Variants in HERC3 observed in about 807,000 individuals in gnomAD.
HERC3 encodes the protein probable E3 ubiquitin-protein ligase HERC3.
Under a neutral mutation model 129.9 loss-of-function variants are expected in HERC3, and 58 were observed. That is an observed-to-expected ratio of 0.45 (90% CI 0.36 to 0.56). The LOEUF (loss-of-function observed/expected upper bound fraction) is 0.56, where lower values mean the gene tolerates loss of function less well. HERC3 is among the 20% of genes least tolerant of loss of function. HERC3 has a pLI of 0.00. For missense variants in HERC3, 835 were observed against 1,244.2 expected (o/e 0.67, Z 4.95); for synonymous variants, 430 against 451.0 (o/e 0.95, Z 0.59).
the HERC3 span, among the ~76,000 whole-genome samples, chr4:88,550,359 C>T: frequency 1.9e-3 from 284 of 152,150 alleles, 2 homozygotes; most frequent in African/African-American, 6.3e-3. Context: ...TGTTTGCAGA[C>T]GACATGACTG....
intron 23 of HERC3, chr4:88,697,091 T>C: frequency 1.0e-6 from 1 of 983,760 alleles, no homozygotes; most frequent in Non-Finnish European, 1.5e-6. Context: ...TCAGAATAAA[T>C]TCACATTGTA....
chr4:88,650,037 A>G lies in HERC3; in HGVS notation c.386+38A>G, dbSNP rs371217678. On this transcript the variant is annotated intron_variant, in intron 4 of 25. Transcript: ENST00000402738. ...TCAAATGTCAGTCGTTTTAAATGCT[A>G]TTTCCTGCTGTTGATTTGTTAGACT... The G allele has an allele frequency of 1.6e-4, 247 of 1,587,684 alleles. No individual in the cohort carries two copies. The Middle Eastern group carries it at 2.3e-3, about 15-fold the overall frequency.
At chr4:88,651,320 A>G (rs2149271321) in intron 4 of HERC3, among the ~76,000 whole-genome samples, 1 of 152,358 alleles carries the variant, frequency 6.6e-6, no homozygotes, top group African/African-American at 2.4e-5. Context: ...GTTTTCTATT[A>G]TAAGTTAATT....
intron 2 of HERC3, among the ~76,000 whole-genome samples, chr4:88,600,907 A>G (rs1380400125): frequency 1.3e-5 from 2 of 152,252 alleles, no homozygotes; most frequent in Non-Finnish European, 2.9e-5. Flanking sequence ...ATGAAATACT[A>G]AAAACGAAAA....
chr4:88,676,995 C>T (rs1024864752), intron 18 of HERC3, among the ~76,000 whole-genome samples: 2 of 151,984 alleles, frequency 1.3e-5, no homozygotes, highest in African/African-American at 2.4e-5. Flanking sequence ...CTTAGTTGGC[C>T]GTGGTGGCAC....
the HERC3 span, among the ~76,000 whole-genome samples, chr4:88,545,430 C>CTTTTTTTTTT: frequency 1.8e-5 from 2 of 110,434 alleles, no homozygotes; most frequent in African/African-American, 7.4e-5. Flanking sequence ...TTTGAGAATT[C>CTTTTTTTTTT]TTTTTTTTTT....
At chr4:88,585,724 C>G in the HERC3 span, among the ~76,000 whole-genome samples, 1 of 152,058 alleles carries the variant, frequency 6.6e-6, no homozygotes. Flanking sequence ...GAACAACAAC[C>G]CTAATCATAA....
chr4:88,578,012 G>A, the HERC3 span, among the ~76,000 whole-genome samples: 1 of 152,146 alleles, frequency 6.6e-6, no homozygotes, highest in African/African-American at 2.4e-5. Flanking sequence ...ATTTGATGAA[G>A]CCCAGCTGTT....
chr4:88,696,350 C>T (rs77983811), intron 23 of HERC3: 1,621 of 152,748 alleles, frequency 0.011, 12 homozygotes, highest in Middle Eastern at 0.014. Context: ...ACGCTGGATA[C>T]ACATGCTTTA....
rs1348101630 is a variant in HERC3, at chr4:88,669,853, T to C, written c.1634-7T>C. 1.2e-6 allele frequency: 2 copies of C among 1,608,248 alleles called. No individual in the cohort carries two copies. The highest frequency in any genetic ancestry group is 8.5e-7 in the Non-Finnish European group (1 of 1,176,138). ...TGTTGAAATATGTCTTTTCTTTCTT[T>C]CTAAAGATAACTGGTGGTCTCAGGT... On this transcript the variant is annotated splice_region_variant and splice_polypyrimidine_tract_variant and intron_variant, in intron 14 of 25. Transcript: ENST00000402738.
chr4:88,649,705 A>G (rs765528374), intron 3 of HERC3, 135 bp from the exon 4 acceptor site: 16 of 699,862 alleles, frequency 2.3e-5, no homozygotes, highest in Middle Eastern at 4.0e-4. Flanking sequence ...TGTGAAATTT[A>G]TAATCTCTAT....
In HERC3 at chr4:88,655,954, G is replaced by A. The variant is rs1729848183; in HGVS notation, c.988G>A (p.Gly330Arg). 2 of 1,614,072 alleles carry A rather than the reference G, an allele frequency of 1.2e-6. No homozygotes were observed. The highest frequency in any genetic ancestry group is 1.7e-6 in the Non-Finnish European group (2 of 1,179,942). ...TGGAGCAAGAGGTCAATTAGGAACTGGGCACACTTGTAATGTTAAGTGCCC... is the reference window on the plus strand; with the variant it reads ...TGGAGCAAGAGGTCAATTAGGAACTAGGCACACTTGTAATGTTAAGTGCCC... The part of the protein sequence containing the change: ...GCGARGQLGT[G>R]HTCNVKCPSP... The change falls in exon 9 of 26, where the codon GGG becomes AGG. Residue 330 changes from glycine (G) to arginine (R), a missense_variant. By Grantham distance (125) the Gly-to-Arg change is moderately radical. Coordinates refer to ENST00000402738, the MANE Select transcript of HERC3 (RefSeq NM_014606.3).
At chr4:88,552,765 C>T in the HERC3 span, among the ~76,000 whole-genome samples, 6 of 152,190 alleles carry the variant, frequency 3.9e-5, no homozygotes, top group Non-Finnish European at 8.8e-5. Flanking sequence ...CATTTTGTCT[C>T]ATCTGTAACT....
At chr4:88,576,771 T>C in the HERC3 span, among the ~76,000 whole-genome samples, 1 of 152,162 alleles carries the variant, frequency 6.6e-6, no homozygotes, top group Admixed American at 6.5e-5. Context: ...GATGTTGCCT[T>C]TTAACGTTTT....
At chr4:88,593,923 A>G (rs768121300) in intron 1 of HERC3, among the ~76,000 whole-genome samples, 24 of 152,210 alleles carry the variant, frequency 1.6e-4, no homozygotes, top group Non-Finnish European at 3.2e-4. Flanking sequence ...CAGAAAAGCA[A>G]AGTACATGGA....
In HERC3 at chr4:88,670,012, A is replaced by T; in HGVS notation, c.1786A>T (p.Lys596Ter). 1 of 1,613,720 alleles carries T rather than the reference A, an allele frequency of 6.2e-7. No homozygotes were observed. Among genetic ancestry groups the T allele is most frequent in the Non-Finnish European group, 8.5e-7 (1 of 1,179,792 alleles). ...YITAALKLLE[K>*]LYKVNLKVKH... is the part of the protein sequence containing the mutation. ...CACAGCAGCTCTCAAACTCTTGGAG[A>T]AGTTATATAAGGTGAGCATAGGAGG... The change falls in exon 15 of 26, where the codon AAG becomes TAG. Residue 596 changes from lysine to a stop codon, truncating the protein, a stop_gained. Coordinates refer to ENST00000402738, the MANE Select transcript of HERC3 (RefSeq NM_014606.3). LOFTEE classifies it high-confidence loss of function.
chr4:88,536,432 A>G, the HERC3 span, among the ~76,000 whole-genome samples: 1 of 152,108 alleles, frequency 6.6e-6, no homozygotes, highest in Non-Finnish European at 1.5e-5. Context: ...CTTGTATACA[A>G]CAGTAAACTA....
intron 21 of HERC3, among the ~76,000 whole-genome samples, chr4:88,681,807 T>C (rs958728779): frequency 1.3e-5 from 2 of 152,220 alleles, no homozygotes; most frequent in African/African-American, 2.4e-5. Flanking sequence ...ACCTTAAATA[T>C]TTCTCTTTAT....
At chr4:88,633,837 C>G (rs1162694806) in intron 3 of HERC3, among the ~76,000 whole-genome samples, 1 of 152,058 alleles carries the variant, frequency 6.6e-6, no homozygotes, top group Admixed American at 6.6e-5. Flanking sequence ...ATATATTATG[C>G]AAACACTAAT....
Sources: allele counts gnomAD v4.1 joint callset (sites outside exome capture counted in the v4.1 genomes callset), GRCh38; gene constraint gnomAD v4.1.1; transcripts MANE v1.5; gene names NCBI Gene and HGNC (gene_info 2026-07-23, HGNC 2026-07-21).